The following GPHN variants were observed in gnomAD, a reference collection of about 807,000 sequenced individuals.
GPHN encodes gephyrin.
Under a neutral mutation model 95.5 loss-of-function variants are expected in GPHN, and 17 were observed. That is an observed-to-expected ratio of 0.18 (90% CI 0.12 to 0.27). The LOEUF is 0.27. GPHN is among the 10% of genes least tolerant of loss of function. GPHN has a pLI of 1.00. For missense variants in GPHN, 660 were observed against 978.1 expected (o/e 0.67, Z 4.34); for synonymous variants, 320 against 322.5 (o/e 0.99, Z 0.08).
the GPHN span, among the ~76,000 whole-genome samples, chr14:67,574,740 C>T: frequency 1.3e-5 from 2 of 152,032 alleles, no homozygotes; most frequent in South Asian, 2.1e-4. This position sits in a 1 kb window ranked among gnomAD's most constrained non-coding sequence, Gnocchi z 4.2. Flanking sequence ...GAGGCCTGGG[C>T]GAGGTAGGTA....
At chr14:66,784,512 A>T (rs1024534434) in intron 3 of GPHN, among the ~76,000 whole-genome samples, 2 of 152,210 alleles carry the variant, frequency 1.3e-5, no homozygotes, top group African/African-American at 4.8e-5. Context: ...TTTTCTTATA[A>T]TTTTTAAAAT....
At chr14:67,569,243 A>G in the GPHN span, 1 of 1,538,694 alleles carries the variant, frequency 6.5e-7, no homozygotes, top group African/African-American at 1.4e-5. Context: ...GCTTGGAGGC[A>G]CCAAACACCC....
the GPHN span, chr14:67,336,816 T>C: frequency 2.2e-5 from 10 of 454,250 alleles, no homozygotes; most frequent in Admixed American, 1.2e-4. Flanking sequence ...TTCCAGTCAT[T>C]ACTGAATTTA....
chr14:67,474,259 A>G, the GPHN span, among the ~76,000 whole-genome samples: 1 of 109,344 alleles, frequency 9.1e-6, no homozygotes, highest in African/African-American at 4.6e-5. Context: ...CTCCAAAAAA[A>G]CAAAACAAAA....
chr14:67,483,559 G>A, the GPHN span, among the ~76,000 whole-genome samples: 3 of 152,254 alleles, frequency 2.0e-5, no homozygotes, highest in South Asian at 2.1e-4. Context: ...CCAACTGGGT[G>A]TCAGAGTTCC....
chr14:67,298,434 GA>G, the GPHN span, among the ~76,000 whole-genome samples: 4 of 151,256 alleles, frequency 2.6e-5, no homozygotes, highest in Admixed American at 2.6e-4. Flanking sequence ...AGAATCGCTT[GA>G]ACCCGGGAGG....
At position 66,809,358 on chromosome 14, in the gene GPHN, AAATAAT is replaced by A. The variant is rs540241852; in HGVS notation, c.202-15098_202-15093del. Among the ~76,000 whole-genome samples, 581 of 151,792 alleles carry A rather than the reference AAATAAT, an allele frequency of 3.8e-3. 9 individuals carry two copies. The highest frequency in any genetic ancestry group is 0.011 in the African/African-American group (466 of 41,440). ...TATCTTAACCATTCAGAGTTTTCCT[AAATAAT>A]AATAATAATAATAATAAAACCTACT... is the stretch of plus-strand genomic sequence containing the variant. On this transcript the variant is annotated intron_variant, in intron 3 of 22. Coordinates refer to ENST00000478722, the MANE Select transcript of GPHN (RefSeq NM_020806.5).
the GPHN span, among the ~76,000 whole-genome samples, chr14:67,237,402 T>C: frequency 6.6e-6 from 1 of 152,078 alleles, no homozygotes; most frequent in Non-Finnish European, 1.5e-5. Context: ...TGATATATAA[T>C]AGGGAATAAT....
intron 16 of GPHN, among the ~76,000 whole-genome samples, chr14:67,116,895 C>T (rs1400232326): frequency 6.6e-6 from 1 of 152,094 alleles, no homozygotes; most frequent in Non-Finnish European, 1.5e-5. Context: ...TCAGTTAAAC[C>T]TTTTTTTCCC....
At chr14:67,470,947 T>G in the GPHN span, 2 of 152,202 alleles carry the variant, frequency 1.3e-5, no homozygotes, top group African/African-American at 4.8e-5. Context: ...ACTAAGGGAT[T>G]GGGGCCCTGA....
chr14:66,576,966 A>AC (rs1396028310), intron 1 of GPHN, among the ~76,000 whole-genome samples: 1 of 152,190 alleles, frequency 6.6e-6, no homozygotes, highest in Non-Finnish European at 1.5e-5. Context: ...TTCTTAAATC[A>AC]ATGTCTGTGT....
At chr14:67,571,336 C>G in the GPHN span, 1 of 176,404 alleles carries the variant, frequency 5.7e-6, no homozygotes, top group Non-Finnish European at 1.2e-5. Context: ...CCCATACTCT[C>G]ACCAACACTG....
the GPHN span, among the ~76,000 whole-genome samples, chr14:67,459,594 C>T: frequency 6.6e-6 from 1 of 152,224 alleles, no homozygotes; most frequent in Non-Finnish European, 1.5e-5. Flanking sequence ...GTCTTACTGG[C>T]TGGACGCAAA....
chr14:67,111,030 A>C (rs986226774), intron 14 of GPHN, among the ~76,000 whole-genome samples: 8 of 152,246 alleles, frequency 5.3e-5, no homozygotes, highest in Non-Finnish European at 1.0e-4. Context: ...TTTATGAAGA[A>C]AGTAAAGATA....
At chr14:67,144,268 T>TACAC (rs1567400892) in intron 18 of GPHN, among the ~76,000 whole-genome samples, 1 of 105,824 alleles carries the variant, frequency 9.4e-6, no homozygotes, top group Admixed American at 1.1e-4. Context: ...TATATATATA[T>TACAC]ATATATATAT....
chr14:66,788,562 T>C (rs2059864871), intron 3 of GPHN, among the ~76,000 whole-genome samples: 1 of 152,226 alleles, frequency 6.6e-6, no homozygotes, highest in African/African-American at 2.4e-5. Flanking sequence ...ACATTTGACA[T>C]TGCATCCTGT....
At chr14:66,773,945 T>C (rs1395106007) in intron 2 of GPHN, among the ~76,000 whole-genome samples, 1 of 151,978 alleles carries the variant, frequency 6.6e-6, no homozygotes, top group Non-Finnish European at 1.5e-5. Context: ...CTTTATATTT[T>C]GTCATCTTGA....
At chr14:67,043,622 C>T (rs189362966) in intron 10 of GPHN, among the ~76,000 whole-genome samples, 48 of 152,222 alleles carry the variant, frequency 3.2e-4, no homozygotes, top group Admixed American at 1.1e-3. Flanking sequence ...CTGCTGGATT[C>T]GGCTTGCCAG....
At chr14:67,164,741 C>G (rs112537642) in intron 19 of GPHN, among the ~76,000 whole-genome samples, 1 of 152,096 alleles carries the variant, frequency 6.6e-6, no homozygotes, top group Non-Finnish European at 1.5e-5. Flanking sequence ...ATCCACCCCC[C>G]TCAGCCTCCC....
Sources: gnomAD v4.1 joint callset for allele counts (sites outside exome capture counted in the v4.1 genomes callset) on GRCh38, gnomAD v4.1.1 for gene constraint, Gnocchi (gnomAD v3.1) non-coding constraint, MANE v1.5 for transcripts, NCBI Gene and HGNC (gene_info 2026-07-23, HGNC 2026-07-21) for gene names.